The following KRT86 variants were observed in gnomAD, a reference collection of about 807,000 sequenced individuals.
KRT86 encodes keratin 86, also known as keratin, type II cuticular Hb6.
In KRT86, 30 loss-of-function variants were observed where a neutral mutation model predicts 41.2. The observed-to-expected ratio is 0.73, with a 90% CI of 0.54 to 0.99. KRT86 has a LOEUF of 0.99. KRT86 is among the 50% of genes least tolerant of loss of function. The pLI is 0.00. For missense variants in KRT86, 561 were observed against 571.4 expected, an observed-to-expected ratio of 0.98 and a Z score of 0.19; for synonymous variants, 238 against 238.1, an observed-to-expected ratio of 1.00 and a Z score of 0.00.
At position 52,305,346 on chromosome 12, in the gene KRT86, A is replaced by G. The variant is rs369890550; in HGVS notation, c.842A>G (p.Gln281Arg). ...MDCIIAEIKA[Q>R]YDDIVTRSRA... The stretch of plus-strand genomic sequence containing the variant: ...TGCATCATTGCCGAGATCAAGGCAC[A>G]GTACGATGACATTGTCACCCGTAGC... Residue 281 changes from glutamine to arginine, a missense_variant, in exon 7 of 11, where the codon CAG becomes CGG. Physicochemically the swap from Gln to Arg is conservative, Grantham distance 43. Around this residue, in one of 3 missense-constraint regions of KRT86, gnomAD observed 397 missense variants for 375.9 expected, o/e 1.06. Coordinates refer to ENST00000423955, the MANE Select transcript of KRT86 (RefSeq NM_001320198.2). The G allele has an allele frequency of 6.2e-7, 1 of 1,614,266 alleles. No homozygotes were observed. Among genetic ancestry groups the G allele is most frequent in the Non-Finnish European group, 8.5e-7 (1 of 1,180,048 alleles).
chr12:52,280,444 T>C (rs531761718), intron 2 of KRT86, among the ~76,000 whole-genome samples: 21 of 152,208 alleles, frequency 1.4e-4, no homozygotes, highest in Non-Finnish European at 2.9e-5. Flanking sequence ...AGTTTCTGCT[T>C]TCTATGTCCC....
At chr12:52,285,853 G>A (rs549423860) in intron 2 of KRT86, 1 of 265,802 alleles carries the variant, frequency 3.8e-6, no homozygotes, top group Non-Finnish European at 7.4e-6. Flanking sequence ...ATGTGACTTT[G>A]GGGACCCTCC....
intron 2 of KRT86, among the ~76,000 whole-genome samples, chr12:52,300,213 G>T (rs4285920): frequency 0.73 from 111,259 of 152,174 alleles, 41,794 homozygotes; most frequent in African/African-American, 0.92. Context: ...CATATACATA[G>T]GCCATACAAC....
intron 2 of KRT86, among the ~76,000 whole-genome samples, chr12:52,297,203 G>A (rs1938270914): frequency 6.6e-6 from 1 of 152,150 alleles, no homozygotes; most frequent in African/African-American, 2.4e-5. Context: ...CATCAGACTA[G>A]CTGCAATTGC....
chr12:52,277,434 G>A (rs1243298435), intron 2 of KRT86: 2 of 152,236 alleles, frequency 1.3e-5, no homozygotes, highest in Non-Finnish European at 2.9e-5. Flanking sequence ...CTCAGAGCAA[G>A]GTCTGGATCC....
intron 2 of KRT86, among the ~76,000 whole-genome samples, chr12:52,288,748 C>A (rs1414623266): frequency 1.3e-5 from 2 of 152,118 alleles, no homozygotes; most frequent in Admixed American, 6.5e-5. Flanking sequence ...GACCCCCCAG[C>A]TCTCACACCC....
intron 1 of KRT86, 27 bp from the exon 2 acceptor site, chr12:52,275,794 A>G: frequency 1.0e-6 from 1 of 983,296 alleles, no homozygotes; most frequent in Non-Finnish European, 1.2e-6. Flanking sequence ...TCCTGACTAC[A>G]GCTCCCCTCT....
At chr12:52,298,256 A>T (rs186138867) in intron 2 of KRT86, among the ~76,000 whole-genome samples, 12 of 152,320 alleles carry the variant, frequency 7.9e-5, no homozygotes, top group African/African-American at 2.9e-4. Context: ...TCGAGGACAA[A>T]TGGAGTAACC....
intron 9 of KRT86, among the ~76,000 whole-genome samples, chr12:52,307,459 A>T (rs1171819240): frequency 6.6e-6 from 1 of 152,232 alleles, no homozygotes; most frequent in East Asian, 1.9e-4. Flanking sequence ...GGCTTCTCTT[A>T]TCTGAAGCTG....
At chr12:52,300,720 C>T (rs1222456534) in intron 2 of KRT86, among the ~76,000 whole-genome samples, 2 of 152,238 alleles carry the variant, frequency 1.3e-5, no homozygotes, top group African/African-American at 4.8e-5. Flanking sequence ...GTGCAGAAAG[C>T]AGCAGGGACT....
intron 2 of KRT86, among the ~76,000 whole-genome samples, chr12:52,297,696 T>G (rs1427306167): frequency 6.6e-6 from 1 of 152,220 alleles, no homozygotes; most frequent in African/African-American, 2.4e-5. Flanking sequence ...ACAAAAATGG[T>G]GGCCACTGCA....
rs115364525 is a variant in KRT86, at chr12:52,305,837, G to T, written c.1026+49G>T. The T allele has an allele frequency of 2.0e-3, 3,246 of 1,613,852 alleles. 71 individuals are homozygous for T. In the African/African-American group the frequency reaches 0.039, roughly 19 times the overall value. On this transcript the variant is annotated intron_variant, in intron 8 of 10. Transcript: ENST00000423955. ...TCAGAGAGACCGAGGGTCTAACCAT[G>T]GTCACACAGCCTATGTGTGCCCTAT...
At chr12:52,304,814 T>G in intron 5 of KRT86, 118 bp from the exon 6 acceptor site, 1 of 1,121,724 alleles carries the variant, frequency 8.9e-7, no homozygotes, top group Non-Finnish European at 1.4e-6. Flanking sequence ...GGAGAGGGCA[T>G]GGGAATGAGA....
chr12:52,301,307 G>C (rs1240245355), intron 2 of KRT86, among the ~76,000 whole-genome samples: 1 of 152,086 alleles, frequency 6.6e-6, no homozygotes, highest in East Asian at 1.9e-4. Context: ...TTGGGAGTAG[G>C]TGTGGAGGAA....
chr12:52,294,701 G>A (rs1938210109), intron 2 of KRT86, among the ~76,000 whole-genome samples: 1 of 151,836 alleles, frequency 6.6e-6, no homozygotes, highest in Non-Finnish European at 1.5e-5. Context: ...TGTATTTCAG[G>A]AGCTTCCTAT....
intron 2 of KRT86, among the ~76,000 whole-genome samples, chr12:52,295,301 G>A (rs1270977093): frequency 6.6e-6 from 1 of 152,064 alleles, no homozygotes; most frequent in African/African-American, 2.4e-5. Flanking sequence ...TCTGAGGTTG[G>A]TGTTATTATT....
At chr12:52,297,150 A>G (rs1366500856) in intron 2 of KRT86, among the ~76,000 whole-genome samples, 1 of 152,112 alleles carries the variant, frequency 6.6e-6, no homozygotes, top group African/African-American at 2.4e-5. Flanking sequence ...CTTTTGCCTA[A>G]AGCTTGTCCT....
chr12:52,287,705 G>A lies in KRT86; in HGVS notation c.-5+11759G>A, dbSNP rs371943135. 2.5e-6 allele frequency: 4 copies of A among 1,613,894 alleles called. No homozygotes were observed. The African/African-American group carries it at 5.3e-5, about 22-fold the overall frequency. On this transcript the variant is annotated intron_variant, in intron 2 of 10. Coordinates refer to ENST00000423955, the MANE Select transcript of KRT86 (RefSeq NM_001320198.2). ...GGTCTCCCCGTGCCTGATCACCGTG[G>A]CCTTCATCTCCTCACACTGGGGGAA...
At chr12:52,295,413 G>A (rs1938225206) in intron 2 of KRT86, among the ~76,000 whole-genome samples, 2 of 152,318 alleles carry the variant, frequency 1.3e-5, no homozygotes, top group African/African-American at 2.4e-5. Context: ...TGATCCCAAA[G>A]GAAGGGATGC....
Sources: allele counts gnomAD v4.1 joint callset (sites outside exome capture counted in the v4.1 genomes callset), GRCh38; gene constraint gnomAD v4.1.1; regional missense constraint gnomAD v4.1.1; transcripts MANE v1.5; gene names NCBI Gene and HGNC (gene_info 2026-07-23, HGNC 2026-07-21).